The following ZW10 variants were observed in gnomAD, a reference collection of about 807,000 sequenced individuals.
ZW10 encodes the protein centromere/kinetochore protein zw10 homolog.
In ZW10, 53 loss-of-function variants were observed where a neutral mutation model predicts 87.8. The ratio of observed to expected loss-of-function variants is 0.60; its 90% CI spans 0.48 to 0.76. ZW10 has a LOEUF of 0.76. Ranked by LOEUF, ZW10 falls within the 30% of genes least tolerant of loss-of-function variation. The pLI is 0.00. For synonymous variants in ZW10, 312 were observed against 329.2 expected, an observed-to-expected ratio of 0.95 and a Z score of 0.57; for missense variants, 837 against 923.0, an observed-to-expected ratio of 0.91 and a Z score of 1.21.
chr11:113,749,401 G>A (rs973847632), intron 7 of ZW10, among the ~76,000 whole-genome samples: 7 of 152,118 alleles, frequency 4.6e-5, no homozygotes, highest in Admixed American at 2.0e-4. Context: ...AATAGAAGCA[G>A]GGGTGTGTGC....
At chr11:113,766,972 G>A (rs527656220) in intron 2 of ZW10, among the ~76,000 whole-genome samples, 23 of 151,954 alleles carry the variant, frequency 1.5e-4, no homozygotes, top group East Asian at 9.7e-4. Context: ...AGCCTAGATC[G>A]CACCACACAC....
chr11:113,737,651 A>G lies in ZW10; in HGVS notation c.1937T>C (p.Val646Ala). ...CCCCATAGCCTTGCAATATATATTC[A>G]CTGGCAGGACATCCTGCCACACAAT... Reference protein sequence around the residue: ...LGIVWQDVLPVNIYCKAMGTL... With the variant: ...LGIVWQDVLPANIYCKAMGTL... Residue 646 changes from valine to alanine, a missense_variant, in exon 14 of 16, where the codon GTG (valine) becomes GCG (alanine). Transcript: ENST00000200135. 1 of 1,613,562 alleles carries G rather than the reference A, an allele frequency of 6.2e-7. No homozygotes were observed. Among genetic ancestry groups the G allele is most frequent in the Non-Finnish European group, 8.5e-7 (1 of 1,179,600 alleles).
intron 2 of ZW10, among the ~76,000 whole-genome samples, chr11:113,766,489 T>C (rs1205429642): frequency 6.7e-6 from 1 of 149,128 alleles, no homozygotes; most frequent in Non-Finnish European, 1.5e-5. Flanking sequence ...GCTAACATGG[T>C]AAAACCCCGT....
rs370780638 is a variant in ZW10, at chr11:113,773,681, C to T, written c.-15G>A. The T allele has an allele frequency of 6.2e-7, 1 of 1,610,564 alleles. No homozygotes were observed. The highest frequency in any genetic ancestry group is 1.3e-5 in the African/African-American group (1 of 74,880). ...AACGAGGCCATGGCCAAGACGGGAA[C>T]CAACGCTGACTGGGTCACTCTCGTA... On this transcript the variant is annotated 5_prime_UTR_variant, in exon 1 of 16. Transcript: ENST00000200135.
At chr11:113,771,545 T>C (rs1015475685) in intron 1 of ZW10, 48 of 152,272 alleles carry the variant, frequency 3.2e-4, no homozygotes, top group African/African-American at 1.1e-3. Context: ...TGTGTGTATG[T>C]ATTCCACCAT....
Position 113,743,929 on chromosome 11 carries a change from C to CT in ZW10, c.1383dup (p.Glu462ArgfsTer3), listed in dbSNP as rs754545881. 6.2e-7 allele frequency: 1 copy of CT among 1,614,072 alleles called. No individual in the cohort carries two copies. The highest frequency in any genetic ancestry group is 8.5e-7 in the Non-Finnish European group (1 of 1,180,032). On this transcript the variant is annotated frameshift_variant, in exon 10 of 16. Transcript: ENST00000200135. LOFTEE classifies it high-confidence loss of function. ...TGTTGGTCCAATGTATTTTCAGGCT[C>CT]TAAATTCATCACTTCGTGGTACTGA...
chr11:113,743,762 AC>A (rs1173158012), intron 10 of ZW10, 39 bp downstream of exon 10: 1 of 1,507,060 alleles, frequency 6.6e-7, no homozygotes. Flanking sequence ...TATGCATTTA[AC>A]CAAGTCATTG....
chr11:113,757,385 A>G (rs1463932867), intron 7 of ZW10, among the ~76,000 whole-genome samples: 1 of 152,234 alleles, frequency 6.6e-6, no homozygotes, highest in African/African-American at 2.4e-5. Context: ...CTGGGAGTCC[A>G]GTGAGAGAAG....
rs1190328063 is a variant in ZW10 at position 113,747,778 on chromosome 11, T to C, written c.1090-65A>G. 3.8e-6 allele frequency: 5 copies of C among 1,326,212 alleles called. No homozygotes were observed. In the Admixed American group the frequency reaches 1.1e-4, roughly 30 times the overall value. 82.2% of individuals were successfully genotyped at this position (1,326,212 alleles called of 1,614,324 possible). A position where few individuals can be genotyped will look rare whatever the true frequency, so the allele number is the denominator to read the frequency against. ...TATATTCCATTACAATATTAGAATT[T>C]CAAATCCAATGTATAAAAAAATGAG... On this transcript the variant is annotated intron_variant, in intron 8 of 15. Coordinates refer to ENST00000200135, the MANE Select transcript of ZW10 (RefSeq NM_004724.4).
chr11:113,750,589 C>T (rs1471922391), intron 7 of ZW10, among the ~76,000 whole-genome samples: 1 of 152,156 alleles, frequency 6.6e-6, no homozygotes, highest in Non-Finnish European at 1.5e-5. Context: ...CAGGCATGAG[C>T]CACCGCGCCT....
In ZW10 at chr11:113,745,689, AGACG is replaced by A. The variant is rs538373898; in HGVS notation, c.1273-1653_1273-1650del. Among the ~76,000 whole-genome samples, 70 of 152,346 alleles carry A rather than the reference AGACG, an allele frequency of 4.6e-4. 1 individual carries two copies. Among genetic ancestry groups the A allele is most frequent in the African/African-American group, 1.4e-3 (59 of 41,578 alleles). On this transcript the variant is annotated intron_variant, in intron 9 of 15. Transcript: ENST00000200135. Reference sequence around the variant, plus strand: ...TCATGAGGAGGGGCAAAGGAAACTAAGACGGAAGAATGTTAGACCTAGTAAGATG... The same window carrying A: ...TCATGAGGAGGGGCAAAGGAAACTAAGAAGAATGTTAGACCTAGTAAGATG...
At chr11:113,747,097 A>G (rs1165854829) in intron 9 of ZW10, among the ~76,000 whole-genome samples, 1 of 152,180 alleles carries the variant, frequency 6.6e-6, no homozygotes, top group African/African-American at 2.4e-5. Flanking sequence ...CTTTTTATTT[A>G]CCTTTTTATT....
At chr11:113,746,799 G>C (rs1953682769) in intron 9 of ZW10, among the ~76,000 whole-genome samples, 1 of 152,152 alleles carries the variant, frequency 6.6e-6, no homozygotes. Context: ...ATAAGTCCAG[G>C]ATGCCTGCAG....
At position 113,736,609 on chromosome 11, in the gene ZW10, G is replaced by T. The variant is rs1194114472; in HGVS notation, c.2219+11C>A. ...GAGAGTTATATGCCTCTATAGAAGG[G>T]TTATACATACCGATCCCCAATTTCT... On this transcript the variant is annotated intron_variant, in intron 15 of 15. Coordinates refer to ENST00000200135, the MANE Select transcript of ZW10 (RefSeq NM_004724.4). 6.2e-7 allele frequency: 1 copy of T among 1,613,880 alleles called. No individual in the cohort carries two copies. Among genetic ancestry groups the T allele is most frequent in the Admixed American group, 1.7e-5 (1 of 60,012 alleles).
In ZW10 at chr11:113,763,962, A is replaced by G. The variant is rs558562054; in HGVS notation, c.241-3044T>C. Among the ~76,000 whole-genome samples, 20 of 152,322 alleles carry G rather than the reference A, an allele frequency of 1.3e-4. No homozygotes were observed. The South Asian group carries it at 3.7e-3, about 28-fold the overall frequency. On this transcript the variant is annotated intron_variant, in intron 2 of 15. Coordinates refer to ENST00000200135, the MANE Select transcript of ZW10 (RefSeq NM_004724.4). ...GCCTATGTCCTGAATGGAATTGCCC[A>G]GGTTTTCTTCTAGGGTTTTTATGGT...
At chr11:113,743,755 G>T in intron 10 of ZW10, 47 bp downstream of exon 10, 1 of 1,378,168 alleles carries the variant, frequency 7.3e-7, no homozygotes, top group Non-Finnish European at 1.0e-6. Context: ...AGTTAGATAT[G>T]CATTTAACCA....
chr11:113,771,219 A>C (rs1282191494), intron 1 of ZW10: 1 of 152,062 alleles, frequency 6.6e-6, no homozygotes, highest in African/African-American at 2.4e-5. Flanking sequence ...CAGGTTATCT[A>C]CCCACCTTGG....
At chr11:113,740,948 T>C (rs914715062) in intron 11 of ZW10, among the ~76,000 whole-genome samples, 4 of 152,192 alleles carry the variant, frequency 2.6e-5, no homozygotes, top group African/African-American at 9.7e-5. Context: ...TCTTTTCTTT[T>C]GCTTGACTAA....
chr11:113,772,818 C>CAAAAAAAAA (rs58651654), intron 1 of ZW10, among the ~76,000 whole-genome samples: 1 of 93,518 alleles, frequency 1.1e-5, no homozygotes. Context: ...ACTAAAAATA[C>CAAAAAAAAA]AAAAAAAAAA....
Sources: gnomAD v4.1 joint callset for allele counts (sites outside exome capture counted in the v4.1 genomes callset) on GRCh38, gnomAD v4.1.1 for gene constraint, MANE v1.5 for transcripts, NCBI Gene and HGNC (gene_info 2026-07-23, HGNC 2026-07-21) for gene names.